Variants in SCN8A observed in about 807,000 individuals in gnomAD.
The protein encoded by SCN8A is sodium voltage-gated channel alpha subunit 8, also known as sodium channel protein type 8 subunit alpha.
SCN8A carries 30 observed loss-of-function variants against 184.1 expected under a neutral mutation model. The ratio of observed to expected loss-of-function variants is 0.16; its 90% confidence interval spans 0.12 to 0.22. The LOEUF is 0.22. Ranked by LOEUF, SCN8A falls within the 10% of genes least tolerant of loss-of-function variation. The probability of loss-of-function intolerance (pLI) is 1.00; values close to 1 mark genes in which losing one functional copy is unlikely to be tolerated. For synonymous variants in SCN8A, 852 were observed against 907.0 expected (o/e 0.94, Z 1.09); for missense variants, 1,057 against 2,498.9 (o/e 0.42, Z 12.30).
intron 11 of SCN8A, among the ~76,000 whole-genome samples, chr12:51,711,472 G>C (rs1048872486): frequency 1.3e-5 from 2 of 152,300 alleles, no homozygotes; most frequent in Middle Eastern, 3.4e-3. Context: ...TCGAGGCCTA[G>C]AAAGAATCAC....
chr12:51,747,939 A>G (rs767725837), intron 13 of SCN8A, among the ~76,000 whole-genome samples: 5 of 151,866 alleles, frequency 3.3e-5, no homozygotes, highest in Non-Finnish European at 7.4e-5. Flanking sequence ...GGAAAATATT[A>G]TTCCAGTTTT....
At chr12:51,626,228 A>G (rs1461145157) in intron 1 of SCN8A, among the ~76,000 whole-genome samples, 1 of 152,140 alleles carries the variant, frequency 6.6e-6, no homozygotes, top group Non-Finnish European at 1.5e-5. Flanking sequence ...GGGTTGATTT[A>G]GGGCAGGTGA....
intron 20 of SCN8A, among the ~76,000 whole-genome samples, chr12:51,776,386 G>A (rs1472063123): frequency 6.6e-6 from 1 of 152,204 alleles, no homozygotes; most frequent in Non-Finnish European, 1.5e-5. Context: ...TTTGGGGGTT[G>A]CTTGATCATT....
At chr12:51,742,037 A>G (rs996567254) in intron 12 of SCN8A, among the ~76,000 whole-genome samples, 7 of 152,152 alleles carry the variant, frequency 4.6e-5, no homozygotes, top group African/African-American at 1.7e-4. Flanking sequence ...ACAACTTAAC[A>G]CTGATTGCAT....
At position 51,697,999 on chromosome 12, in the gene SCN8A, G is replaced by A. The variant is rs541864562; in HGVS notation, c.707-1571G>A. ...TCCCACAGTAGCTGGGATTACAGGC[G>A]TATGCCACCACACCTGGCTAATTTT... On this transcript the variant is annotated intron_variant, in intron 6 of 26. Coordinates refer to ENST00000627620, the MANE Select transcript of SCN8A (RefSeq NM_001330260.2). Among the ~76,000 whole-genome samples, 7 of 152,198 alleles carry A rather than the reference G, an allele frequency of 4.6e-5. No homozygotes were observed. In the South Asian group the frequency reaches 8.3e-4, roughly 18 times the overall value.
chr12:51,695,384 A>G (rs369875257), intron 6 of SCN8A, among the ~76,000 whole-genome samples: 1 of 152,244 alleles, frequency 6.6e-6, no homozygotes, highest in East Asian at 1.9e-4. Context: ...CTTTAGCAAT[A>G]ACATCTGGTT....
chr12:51,653,084 C>G (rs1940751335), intron 1 of SCN8A, among the ~76,000 whole-genome samples: 1 of 152,104 alleles, frequency 6.6e-6, no homozygotes, highest in Non-Finnish European at 1.5e-5. Context: ...CTTTGGGAGG[C>G]CGAGGTGAGT....
At chr12:51,787,734 C>T (rs1361807788) in intron 22 of SCN8A, among the ~76,000 whole-genome samples, 4 of 152,150 alleles carry the variant, frequency 2.6e-5, no homozygotes, top group Non-Finnish European at 5.9e-5. Context: ...AGACTAACTG[C>T]AATAACAGAT....
At chr12:51,611,527 C>T (rs1229249464) in intron 1 of SCN8A, among the ~76,000 whole-genome samples, 2 of 152,006 alleles carry the variant, frequency 1.3e-5, no homozygotes, top group African/African-American at 4.8e-5. Context: ...GATGGAGTTT[C>T]ACTCTTGTTG....
chr12:51,751,723 C>T (rs1488179348), intron 14 of SCN8A, 130 bp downstream of exon 14: 1 of 687,138 alleles, frequency 1.5e-6, no homozygotes, highest in African/African-American at 1.8e-5. Flanking sequence ...CAAATGCTTC[C>T]ACATATGCCA....
chr12:51,798,284 A>G (rs998506130), intron 26 of SCN8A, among the ~76,000 whole-genome samples: 4 of 152,206 alleles, frequency 2.6e-5, no homozygotes, highest in African/African-American at 9.6e-5. Context: ...GTCAGAAGCA[A>G]TGCTGTGTGG....
At chr12:51,643,837 C>G (rs1290891193) in intron 1 of SCN8A, among the ~76,000 whole-genome samples, 3 of 152,204 alleles carry the variant, frequency 2.0e-5, no homozygotes, top group Non-Finnish European at 1.5e-5. Flanking sequence ...ACATGACAGA[C>G]AGATAATGAC....
At chr12:51,751,198 C>G (rs1037968700) in intron 13 of SCN8A, among the ~76,000 whole-genome samples, 157 bp from the exon 14 acceptor site, 1 of 152,108 alleles carries the variant, frequency 6.6e-6, no homozygotes. Flanking sequence ...CATGCTTCCT[C>G]TCTACCTTAG....
At chr12:51,658,070 T>C (rs1940857528) in intron 1 of SCN8A, among the ~76,000 whole-genome samples, 1 of 152,170 alleles carries the variant, frequency 6.6e-6, no homozygotes, top group Non-Finnish European at 1.5e-5. Flanking sequence ...CTTTGTTCCT[T>C]TTGCTCAGGA....
chr12:51,612,729 TA>T (rs886931427), intron 1 of SCN8A, among the ~76,000 whole-genome samples: 2 of 152,112 alleles, frequency 1.3e-5, no homozygotes, highest in African/African-American at 4.8e-5. Flanking sequence ...GATTTGCTAA[TA>T]TTTTTTTTGA....
At chr12:51,673,624 A>G (rs1941170871) in intron 2 of SCN8A, among the ~76,000 whole-genome samples, 1 of 152,346 alleles carries the variant, frequency 6.6e-6, no homozygotes, top group East Asian at 1.9e-4. Flanking sequence ...TTTCTTTATG[A>G]AAGAAGAGAT....
chr12:51,732,604 A>G (rs1257194727), intron 12 of SCN8A, among the ~76,000 whole-genome samples: 1 of 152,126 alleles, frequency 6.6e-6, no homozygotes, highest in East Asian at 1.9e-4. Context: ...GTTTCTGTGA[A>G]GAACACCATT....
chr12:51,631,522 A>G (rs1037758626), intron 1 of SCN8A, among the ~76,000 whole-genome samples: 3 of 152,222 alleles, frequency 2.0e-5, no homozygotes, highest in Non-Finnish European at 4.4e-5. Context: ...GTACTTTAAG[A>G]CCACTACCTG....
chr12:51,687,359 C>A, intron 5 of SCN8A, 140 bp downstream of exon 5: 1 of 931,642 alleles, frequency 1.1e-6, no homozygotes, highest in Non-Finnish European at 1.6e-6. Flanking sequence ...GCCCTGTGGG[C>A]TTATGTCTAT....
Sources: gnomAD v4.1 joint callset for allele counts (sites outside exome capture counted in the v4.1 genomes callset) on GRCh38, gnomAD v4.1.1 for gene constraint, MANE v1.5 for transcripts, NCBI Gene and HGNC (gene_info 2026-07-23, HGNC 2026-07-21) for gene names.